The following ENPEP variants were observed in gnomAD, a reference collection of about 807,000 sequenced individuals.
ENPEP encodes the protein AP-A.
In ENPEP, 103 loss-of-function variants were observed where a neutral mutation model predicts 114.5. The observed-to-expected ratio is 0.90, with a 90% CI of 0.77 to 1.06. ENPEP has a LOEUF of 1.06. ENPEP is among the 50% of genes least tolerant of loss of function. The probability of loss-of-function intolerance (pLI) is 0.00; values close to 1 mark genes in which losing one functional copy is unlikely to be tolerated. For missense variants in ENPEP, 1,196 were observed against 1,161.3 expected (o/e 1.03, Z -0.43); for synonymous variants, 420 against 422.0 (o/e 1.00, Z 0.06).
At chr4:110,477,220 C>T (rs1434428608) in intron 1 of ENPEP, among the ~76,000 whole-genome samples, 162 bp downstream of exon 1, 2 of 152,150 alleles carry the variant, frequency 1.3e-5, no homozygotes, top group African/African-American at 4.8e-5. Flanking sequence ...AAAATTGTTG[C>T]CCTATTGTAT....
intron 18 of ENPEP, among the ~76,000 whole-genome samples, chr4:110,556,332 TTTAC>T (rs1727471231): frequency 6.6e-6 from 1 of 152,036 alleles, no homozygotes; most frequent in African/African-American, 2.4e-5. Context: ...TCCATGGCTG[TTTAC>T]TTAATTTACA....
chr4:110,488,209 A>G (rs1724571234), intron 1 of ENPEP, among the ~76,000 whole-genome samples: 1 of 152,154 alleles, frequency 6.6e-6, no homozygotes. Flanking sequence ...ACTAGCTCAT[A>G]ATTGGATTTA....
rs543581696 is a variant in ENPEP, at chr4:110,563,932, T to A, written c.*2374T>A. The A allele has an allele frequency of 3.3e-5, 5 of 152,186 alleles. No individual in the cohort carries two copies. The East Asian group carries it at 9.7e-4, about 29-fold the overall frequency. 9.4% of individuals were successfully genotyped at this position (152,186 alleles called of 1,614,324 possible). ...ATACTCCTACAGCTTACCCTCCAAG[T>A]TGGTGAAGTGTTAGTCCAAAAGTAG... is the stretch of plus-strand genomic sequence containing the variant. On this transcript the variant is annotated 3_prime_UTR_variant, in exon 20 of 20. Transcript: ENST00000265162.
At position 110,515,322 on chromosome 4, in the gene ENPEP, A is replaced by G. The variant is rs143320654; in HGVS notation, c.1444-55A>G. The G allele has an allele frequency of 2.7e-3, 3,892 of 1,426,532 alleles. 56 individuals carry two copies. The Admixed American group carries it at 0.039, about 14-fold the overall frequency. 88.4% of individuals were successfully genotyped at this position (1,426,532 alleles called of 1,614,324 possible). A position where few individuals can be genotyped will look rare whatever the true frequency, so the allele number is the denominator to read the frequency against. ...CTAGTTGCAAGAGTAATAACTGATC[A>G]TTGTTCCTTACATAGCCTTTATTAG... On this transcript the variant is annotated intron_variant, in intron 7 of 19. Coordinates refer to ENST00000265162, the MANE Select transcript of ENPEP (RefSeq NM_001977.4).
rs1343755298 is a variant in ENPEP at position 110,510,374 on chromosome 4, A to G, written c.1308+16A>G. 1.3e-6 allele frequency: 2 copies of G among 1,587,622 alleles called. No homozygotes were observed. Among genetic ancestry groups the G allele is most frequent in the African/African-American group, 2.7e-5 (2 of 74,300 alleles). The stretch of plus-strand genomic sequence containing the variant: ...CTGGCAAATGGTGAGTCCTAAACAC[A>G]TAAACTTGAAATCTCTCTTTTCCTC... On this transcript the variant is annotated intron_variant, in intron 6 of 19. Coordinates refer to ENST00000265162, the MANE Select transcript of ENPEP (RefSeq NM_001977.4).
At chr4:110,505,379 C>T (rs868120246) in intron 3 of ENPEP, among the ~76,000 whole-genome samples, 1 of 150,980 alleles carries the variant, frequency 6.6e-6, no homozygotes, top group South Asian at 2.1e-4. Context: ...GAGGTGAAGA[C>T]GAACACATCT....
intron 10 of ENPEP, among the ~76,000 whole-genome samples, 164 bp downstream of exon 10, chr4:110,520,530 A>T (rs568229747): frequency 6.6e-6 from 1 of 152,356 alleles, no homozygotes; most frequent in South Asian, 2.1e-4. Flanking sequence ...AGTGATTTCC[A>T]GGTTTGAAAT....
At chr4:110,484,360 G>A (rs1327545390) in intron 1 of ENPEP, among the ~76,000 whole-genome samples, 1 of 152,112 alleles carries the variant, frequency 6.6e-6, no homozygotes. Flanking sequence ...GGATTAGAAT[G>A]TAAGAATGTT....
chr4:110,490,171 A>G (rs1157902522), intron 2 of ENPEP, among the ~76,000 whole-genome samples: 1 of 151,780 alleles, frequency 6.6e-6, no homozygotes, highest in Non-Finnish European at 1.5e-5. Context: ...AGATCCAGAT[A>G]GTAGTCCTGG....
intron 1 of ENPEP, among the ~76,000 whole-genome samples, chr4:110,480,870 T>A (rs549977221): frequency 6.6e-6 from 1 of 152,316 alleles, no homozygotes; most frequent in East Asian, 1.9e-4. Context: ...GCTAGTCTAT[T>A]CTTCAGGGTC....
chr4:110,509,749 C>T lies in ENPEP; in HGVS notation c.1136C>T (p.Ser379Leu). The change falls in exon 5 of 20, where the codon TCA becomes TTA. Residue 379 changes from serine (S) to leucine (L), a missense_variant. By Grantham distance (145) the Ser-to-Leu change is moderately radical (BLOSUM62 -2). Coordinates refer to ENST00000265162, the MANE Select transcript of ENPEP (RefSeq NM_001977.4). ...ETNLLYDPKE[S>L]ASSNQQRVAT... Reference sequence around the variant, plus strand: ...AACCTGCTTTATGACCCTAAGGAATCAGCCTCATCAAACCAACAGAGGGTG... The same window carrying T: ...AACCTGCTTTATGACCCTAAGGAATTAGCCTCATCAAACCAACAGAGGGTG... The T allele has an allele frequency of 6.2e-7, 1 of 1,614,208 alleles. No individual in the cohort carries two copies. The highest frequency in any genetic ancestry group is 8.5e-7 in the Non-Finnish European group (1 of 1,180,036).
intron 1 of ENPEP, 51 bp downstream of exon 1, chr4:110,477,109 C>T (rs1202838395): frequency 1.3e-6 from 2 of 1,554,662 alleles, no homozygotes; most frequent in African/African-American, 1.4e-5. Flanking sequence ...ATCTGCTTTC[C>T]ATTTCTTTTC....
intron 14 of ENPEP, among the ~76,000 whole-genome samples, chr4:110,548,715 T>C (rs757349635): frequency 1.3e-5 from 2 of 152,106 alleles, no homozygotes; most frequent in Non-Finnish European, 1.5e-5. Flanking sequence ...TTCTTACTGC[T>C]GGTATTTCCA....
At chr4:110,536,122 A>C (rs895456992) in intron 11 of ENPEP, among the ~76,000 whole-genome samples, 2 of 151,546 alleles carry the variant, frequency 1.3e-5, no homozygotes, top group Admixed American at 1.3e-4. Context: ...AAAAAAAAAA[A>C]AAAAAAAAAA....
rs1727366285 is a variant in ENPEP, at chr4:110,553,472, A to G, written c.2642+17A>G. On this transcript the variant is annotated intron_variant, in intron 18 of 19. Coordinates refer to ENST00000265162, the MANE Select transcript of ENPEP (RefSeq NM_001977.4). ...AGTCAACAGGTGGGATGATCTGATGATGGTCTGCTGTTTTCTTTGTTTCAT... is the reference window on the plus strand; with the variant it reads ...AGTCAACAGGTGGGATGATCTGATGGTGGTCTGCTGTTTTCTTTGTTTCAT... The G allele has an allele frequency of 6.2e-7, 1 of 1,601,836 alleles. No homozygotes were observed. The highest frequency in any genetic ancestry group is 1.3e-5 in the African/African-American group (1 of 74,564).
chr4:110,542,705 A>G (rs368122398), intron 11 of ENPEP, 46 bp from the exon 12 acceptor site: 6 of 1,538,672 alleles, frequency 3.9e-6, no homozygotes, highest in Non-Finnish European at 4.4e-6. Context: ...CTGTGTTGAC[A>G]GTGCATGCAA....
At chr4:110,493,971 G>A (rs1724825799) in intron 3 of ENPEP, among the ~76,000 whole-genome samples, 1 of 152,152 alleles carries the variant, frequency 6.6e-6, no homozygotes, top group South Asian at 2.1e-4. Context: ...CACCGTGGGA[G>A]TAAATAGTGA....
chr4:110,527,173 G>C (rs997681223), intron 10 of ENPEP, among the ~76,000 whole-genome samples: 1 of 152,152 alleles, frequency 6.6e-6, no homozygotes, highest in East Asian at 1.9e-4. Flanking sequence ...CAAGGCATCA[G>C]AGAATGATGA....
At chr4:110,540,143 A>T (rs1385230715) in intron 11 of ENPEP, among the ~76,000 whole-genome samples, 1 of 152,198 alleles carries the variant, frequency 6.6e-6, no homozygotes, top group Non-Finnish European at 1.5e-5. Flanking sequence ...ATACAGCATG[A>T]TATGTCCATT....
Sources: gnomAD v4.1 joint callset for allele counts (sites outside exome capture counted in the v4.1 genomes callset) on GRCh38, gnomAD v4.1.1 for gene constraint, MANE v1.5 for transcripts, NCBI Gene and HGNC (gene_info 2026-07-23, HGNC 2026-07-21) for gene names.